Variants in RASSF3 observed in about 807,000 individuals in gnomAD.
RASSF3 encodes Ras association domain family member 3, also known as ras association domain-containing protein 3.
In RASSF3, 19 loss-of-function variants were observed where a neutral mutation model predicts 19.9. The ratio of observed to expected loss-of-function variants is 0.96; its 90% confidence interval spans 0.67 to 1.40. RASSF3 has a LOEUF of 1.40. RASSF3 is among the 40% of genes most tolerant of loss of function. RASSF3 has a pLI of 0.00. For synonymous variants in RASSF3, 110 were observed against 104.2 expected, an observed-to-expected ratio of 1.06 and a Z score of -0.34; for missense variants, 306 against 289.8, an observed-to-expected ratio of 1.06 and a Z score of -0.41.
chr12:64,686,182 G>GTT (rs202133160), intron 2 of RASSF3, among the ~76,000 whole-genome samples: 2 of 146,292 alleles, frequency 1.4e-5, no homozygotes, highest in East Asian at 2.0e-4. Context: ...CACTTGCTAT[G>GTT]TTTTTTTTTT....
At chr12:64,595,165 T>C (rs747282608) in intron 2 of RASSF3, among the ~76,000 whole-genome samples, 16 of 142,694 alleles carry the variant, frequency 1.1e-4, no homozygotes, top group Non-Finnish European at 2.0e-4. Context: ...CCTCCCCAGT[T>C]CAAGTGATTC....
chr12:64,670,567 G>A (rs1180150325), intron 1 of RASSF3, among the ~76,000 whole-genome samples: 1 of 149,868 alleles, frequency 6.7e-6, no homozygotes, highest in Non-Finnish European at 1.5e-5. Flanking sequence ...TTTTTGTGGG[G>A]GGGATCTTTT....
At chr12:64,672,562 T>A (rs1872734822) in intron 1 of RASSF3, among the ~76,000 whole-genome samples, 2 of 152,168 alleles carry the variant, frequency 1.3e-5, no homozygotes, top group Non-Finnish European at 2.9e-5. Flanking sequence ...CTTGCTCTGT[T>A]GCCCAGGCTG....
chr12:64,696,966 TA>T lies in RASSF3; in HGVS notation c.*2055del, dbSNP rs1230633031. ...TGTTATTACCACCTGGTTTTTTAAT[TA>T]TTCATCCCAGTAAACTTATATTTTG... On this transcript the variant is annotated 3_prime_UTR_variant, in exon 5 of 5. Coordinates refer to ENST00000542104, the MANE Select transcript of RASSF3 (RefSeq NM_178169.4). 6.6e-6 allele frequency: 1 copy of T among 152,184 alleles called. No homozygotes were observed. Among genetic ancestry groups the T allele is most frequent in the Admixed American group, 6.5e-5 (1 of 15,268 alleles). 9.4% of individuals were successfully genotyped at this position (152,184 alleles called of 1,614,324 possible).
chr12:64,564,456 C>T (rs1232270229), intron 2 of RASSF3, among the ~76,000 whole-genome samples: 1 of 151,656 alleles, frequency 6.6e-6, no homozygotes, highest in African/African-American at 2.4e-5. Flanking sequence ...GATCTCAGCT[C>T]ACCACAACCT....
At position 64,691,514 on chromosome 12, in the gene RASSF3, C is replaced by T. The variant is rs1326610547; in HGVS notation, c.502C>T (p.Arg168Cys). 5.6e-6 allele frequency: 9 copies of T among 1,614,074 alleles called. No homozygotes were observed. Among genetic ancestry groups the T allele is most frequent in the East Asian group, 4.5e-5 (2 of 44,892 alleles). ...LSDREHPLYL[R>C]LVAGPRTDTL... ...AGACCGGGAACATCCACTCTACCTG[C>T]GTTTGGTAGCAGGGCCCAGAACAGA... The change falls in exon 4 of 5, where the codon CGT (arginine) becomes TGT (cysteine). Residue 168 changes from arginine (R) to cysteine (C), a missense_variant. Arg to Cys is a radical substitution (Grantham distance 180). Coordinates refer to ENST00000542104, the MANE Select transcript of RASSF3 (RefSeq NM_178169.4).
chr12:64,626,458 A>AT (rs1203489408), intron 1 of RASSF3, among the ~76,000 whole-genome samples: 1 of 148,374 alleles, frequency 6.7e-6, no homozygotes, highest in African/African-American at 2.5e-5. Flanking sequence ...ACTGCACTCC[A>AT]GCCTGGGCAA....
chr12:64,620,311 G>A (rs973983513), intron 1 of RASSF3, among the ~76,000 whole-genome samples: 1 of 152,028 alleles, frequency 6.6e-6, no homozygotes. Context: ...TCCATTGTAT[G>A]TATATATCAC....
chr12:64,546,072 C>G (rs1383141011), downstream of RASSF3, among the ~76,000 whole-genome samples: 2 of 139,946 alleles, frequency 1.4e-5, no homozygotes, highest in East Asian at 4.2e-4. Context: ...CTCCAGCCTC[C>G]GCGACAGAGC....
intron 1 of RASSF3, among the ~76,000 whole-genome samples, chr12:64,631,216 A>C (rs1218459327): frequency 6.6e-6 from 1 of 152,158 alleles, no homozygotes; most frequent in African/African-American, 2.4e-5. Flanking sequence ...GGAGAAAAAG[A>C]AAAGGGTGGT....
rs147134499 is a variant in RASSF3 at position 64,560,599 on chromosome 12, C to T, written c.294+18894C>T. ...ATTGTGCGAGGAACTATCCACGCCC[C>T]GTATATCATTCAGGGTAGCATCCTC... On this transcript the variant is annotated intron_variant, in intron 2 of 5. Coordinates refer to the RASSF3 transcript ENST00000637125. Among the ~76,000 whole-genome samples, 989 of 152,298 alleles carry T rather than the reference C, an allele frequency of 6.5e-3. 8 individuals are homozygous for T. The highest frequency in any genetic ancestry group is 0.022 in the African/African-American group (928 of 41,558).
At chr12:64,517,318 C>G (rs922767692) in intron 1 of RASSF3, among the ~76,000 whole-genome samples, 1 of 151,188 alleles carries the variant, frequency 6.6e-6, no homozygotes, top group East Asian at 1.9e-4. Flanking sequence ...TCCCCCCCCC[C>G]ACTAAGCTAT....
intron 1 of RASSF3, among the ~76,000 whole-genome samples, chr12:64,523,339 G>C (rs1363675667): frequency 6.6e-6 from 1 of 152,132 alleles, no homozygotes. Context: ...CCGGGAGGTA[G>C]AGGTTGCAGT....
intron 1 of RASSF3, among the ~76,000 whole-genome samples, chr12:64,540,760 C>T (rs762750058): frequency 7.9e-5 from 12 of 152,142 alleles, no homozygotes; most frequent in African/African-American, 2.9e-4. Context: ...GTCAAGACTG[C>T]AGTAAGCTAT....
chr12:64,548,078 G>A (rs753259848), intron 2 of RASSF3, among the ~76,000 whole-genome samples: 11 of 151,986 alleles, frequency 7.2e-5, no homozygotes, highest in Non-Finnish European at 1.3e-4. Context: ...GTTTCCTGCC[G>A]CTCTATATTC....
downstream of RASSF3, among the ~76,000 whole-genome samples, chr12:64,546,191 A>G (rs1490987387): frequency 6.6e-6 from 1 of 151,966 alleles, no homozygotes; most frequent in African/African-American, 2.4e-5. Flanking sequence ...TACGTACTTC[A>G]TAAGGCATCA....
At chr12:64,677,067 C>G in intron 1 of RASSF3, among the ~76,000 whole-genome samples, 1 of 152,118 alleles carries the variant, frequency 6.6e-6, no homozygotes, top group East Asian at 1.9e-4. Context: ...TGTGCCTGGC[C>G]TGGAGTATTG....
At chr12:64,534,735 G>A (rs903273888) in intron 1 of RASSF3, among the ~76,000 whole-genome samples, 4 of 152,128 alleles carry the variant, frequency 2.6e-5, no homozygotes, top group African/African-American at 9.7e-5. Context: ...GGGTGGAATG[G>A]ACTTGGAGAG....
chr12:64,567,804 G>A (rs563375301), intron 2 of RASSF3, among the ~76,000 whole-genome samples: 9 of 152,232 alleles, frequency 5.9e-5, no homozygotes, highest in Admixed American at 3.3e-4. Flanking sequence ...TCTGCAGAGC[G>A]TGCACTGCTG....
Sources: gnomAD v4.1 joint callset for allele counts (sites outside exome capture counted in the v4.1 genomes callset) on GRCh38, gnomAD v4.1.1 for gene constraint, MANE v1.5 for transcripts, NCBI Gene and HGNC (gene_info 2026-07-23, HGNC 2026-07-21) for gene names.